Variants in KCNAB1 observed in about 807,000 individuals in gnomAD.
KCNAB1 encodes the protein voltage-gated potassium channel subunit beta-1.
KCNAB1 carries 35 observed loss-of-function variants against 64.6 expected under a neutral mutation model. The ratio of observed to expected loss-of-function variants is 0.54; its 90% CI spans 0.41 to 0.72. KCNAB1 has a LOEUF of 0.72. Ranked by LOEUF, KCNAB1 falls within the 30% of genes least tolerant of loss-of-function variation. KCNAB1 has a pLI of 0.00. For synonymous variants in KCNAB1, 177 were observed against 183.8 expected, an observed-to-expected ratio of 0.96 and a Z score of 0.30; for missense variants, 401 against 512.9, an observed-to-expected ratio of 0.78 and a Z score of 2.11.
chr3:156,464,340 G>C (rs1256718420), intron 6 of KCNAB1, among the ~76,000 whole-genome samples: 1 of 152,124 alleles, frequency 6.6e-6, no homozygotes, highest in African/African-American at 2.4e-5. Flanking sequence ...GGGCCTGCTG[G>C]CATTTGAACT....
intron 8 of KCNAB1, among the ~76,000 whole-genome samples, chr3:156,475,772 G>A (rs562717460): frequency 1.2e-4 from 18 of 152,190 alleles, no homozygotes; most frequent in Non-Finnish European, 2.9e-5. Context: ...TTATAGAAGG[G>A]TTATAGTAAT....
chr3:156,361,457 T>C (rs1393976011), intron 1 of KCNAB1, among the ~76,000 whole-genome samples: 2 of 152,104 alleles, frequency 1.3e-5, no homozygotes, highest in Non-Finnish European at 2.9e-5. Flanking sequence ...CCTTGATATG[T>C]GTGTGTATAT....
chr3:156,498,568 C>G (rs1407798266), intron 8 of KCNAB1, among the ~76,000 whole-genome samples: 1 of 152,206 alleles, frequency 6.6e-6, no homozygotes, highest in African/African-American at 2.4e-5. Flanking sequence ...ACTGTTAAAT[C>G]CAGTAAACCT....
intron 1 of KCNAB1, among the ~76,000 whole-genome samples, chr3:156,341,020 C>G (rs1316935366): frequency 1.3e-5 from 2 of 152,160 alleles, no homozygotes; most frequent in African/African-American, 4.8e-5. Flanking sequence ...GACACTCCTC[C>G]TGTTATGCAA....
chr3:156,454,900 C>A (rs528951342), intron 3 of KCNAB1, among the ~76,000 whole-genome samples: 2 of 152,222 alleles, frequency 1.3e-5, no homozygotes, highest in East Asian at 3.9e-4. Context: ...CCAAGCTTGC[C>A]CGGGTCGTAG....
intron 1 of KCNAB1, among the ~76,000 whole-genome samples, chr3:156,263,358 C>T (rs1308638641): frequency 6.6e-6 from 1 of 151,814 alleles, no homozygotes; most frequent in African/African-American, 2.4e-5. Context: ...TTTTAAATTT[C>T]CTCTGTTATT....
At chr3:156,387,014 C>CTTTTTTTTTTTTTTT (rs1194708289) in intron 1 of KCNAB1, among the ~76,000 whole-genome samples, 27 of 90,490 alleles carry the variant, frequency 3.0e-4, no homozygotes, top group Non-Finnish European at 4.2e-4. Context: ...TTCTCTCTCT[C>CTTTTTTTTTTTTTTT]TTTTTTTTTT....
chr3:156,167,330 A>G (rs1711646225), intron 1 of KCNAB1, among the ~76,000 whole-genome samples: 1 of 152,188 alleles, frequency 6.6e-6, no homozygotes, highest in Non-Finnish European at 1.5e-5. Flanking sequence ...AGGAGATTCC[A>G]TCTACAGTTA....
chr3:156,429,689 ATTC>A (rs781679390), intron 2 of KCNAB1, among the ~76,000 whole-genome samples: 1 of 152,196 alleles, frequency 6.6e-6, no homozygotes, highest in Non-Finnish European at 1.5e-5. Context: ...CATGATTCCC[ATTC>A]TTGTTGTTTA....
intron 1 of KCNAB1, among the ~76,000 whole-genome samples, chr3:156,270,243 CTA>C (rs1171168054): frequency 6.6e-6 from 1 of 152,028 alleles, no homozygotes; most frequent in African/African-American, 2.4e-5. Flanking sequence ...TCGAGGCACT[CTA>C]TGTATTTTGA....
intron 1 of KCNAB1, among the ~76,000 whole-genome samples, chr3:156,190,148 C>T (rs1259126240): frequency 3.3e-5 from 5 of 152,174 alleles, no homozygotes; most frequent in Admixed American, 1.3e-4. Context: ...TTGCCTGCAT[C>T]GCTTTTGTGG....
At chr3:156,203,448 G>T (rs1265708954) in intron 1 of KCNAB1, among the ~76,000 whole-genome samples, 1 of 152,188 alleles carries the variant, frequency 6.6e-6, no homozygotes, top group Admixed American at 6.5e-5. Context: ...CATTATTAAT[G>T]ATGTGATGCT....
At chr3:156,201,820 G>T (rs1176443613) in intron 1 of KCNAB1, among the ~76,000 whole-genome samples, 2 of 152,336 alleles carry the variant, frequency 1.3e-5, no homozygotes, top group South Asian at 2.1e-4. Context: ...GCGGTGTGGG[G>T]AGGGCTCAGG....
intron 1 of KCNAB1, among the ~76,000 whole-genome samples, chr3:156,253,442 A>G (rs573225121): frequency 6.6e-6 from 1 of 152,318 alleles, no homozygotes; most frequent in Admixed American, 6.5e-5. Flanking sequence ...TAGGAGCAGC[A>G]GGGCTGAGTG....
chr3:156,130,110 A>G (rs958432128), intron 1 of KCNAB1, among the ~76,000 whole-genome samples: 3 of 152,226 alleles, frequency 2.0e-5, no homozygotes, highest in Non-Finnish European at 4.4e-5. Flanking sequence ...GTGGAAATAA[A>G]AACATCTGTG....
chr3:156,312,770 G>C (rs980666141), intron 1 of KCNAB1, among the ~76,000 whole-genome samples: 1 of 148,392 alleles, frequency 6.7e-6, no homozygotes, highest in African/African-American at 2.5e-5. Context: ...CATTCGAGTG[G>C]TCAAATTCTG....
At chr3:156,437,077 T>A (rs1329940236) in intron 2 of KCNAB1, among the ~76,000 whole-genome samples, 10 of 152,304 alleles carry the variant, frequency 6.6e-5, no homozygotes, top group Admixed American at 2.0e-4. Flanking sequence ...ATATTTTTTT[T>A]AAAATTGAAG....
chr3:156,138,718 A>C (rs1264551744), intron 1 of KCNAB1, among the ~76,000 whole-genome samples: 1 of 152,240 alleles, frequency 6.6e-6, no homozygotes, highest in Non-Finnish European at 1.5e-5. Context: ...AGATACACAG[A>C]ACATCAGATG....
chr3:156,285,280 C>T (rs1394676188), intron 1 of KCNAB1, among the ~76,000 whole-genome samples: 1 of 152,076 alleles, frequency 6.6e-6, no homozygotes, highest in Non-Finnish European at 1.5e-5. Context: ...AATCTCTTAT[C>T]CAAAGACATG....
Sources: allele counts gnomAD v4.1 joint callset (sites outside exome capture counted in the v4.1 genomes callset), GRCh38; gene constraint gnomAD v4.1.1; transcripts MANE v1.5; gene names NCBI Gene and HGNC (gene_info 2026-07-23, HGNC 2026-07-21).